STIM2: variants seen among roughly 807,000 people sequenced by gnomAD.
STIM2 encodes the protein stromal interaction molecule 2.
Under a neutral mutation model 85.8 loss-of-function variants are expected in STIM2, and 31 were observed. The ratio of observed to expected loss-of-function variants is 0.36; its 90% CI spans 0.27 to 0.49. The LOEUF is 0.49. Ranked by LOEUF, STIM2 falls within the 20% of genes least tolerant of loss-of-function variation. The pLI is 0.98. For missense variants in STIM2, 841 were observed against 927.6 expected, an observed-to-expected ratio of 0.91 and a Z score of 1.21; for synonymous variants, 356 against 331.1, an observed-to-expected ratio of 1.08 and a Z score of -0.82.
At position 27,017,898 on chromosome 4, in the gene STIM2, A is replaced by G; in HGVS notation, c.1677A>G (p.Pro559=). The G allele has an allele frequency of 6.2e-7, 1 of 1,614,148 alleles. No homozygotes were observed. The highest frequency in any genetic ancestry group is 8.5e-7 in the Non-Finnish European group (1 of 1,180,016). ...CACACTCCTTGCCTTCCCCTGATCC[A>G]GATATCCTCTCAGTGTCAAGTTGCC... The change falls in exon 11 of 12, where the codon CCA becomes CCG. Residue 559 remains proline (P), a synonymous_variant. Coordinates refer to ENST00000467087, the MANE Select transcript of STIM2 (RefSeq NM_020860.4).
intron 3 of STIM2, among the ~76,000 whole-genome samples, chr4:26,962,418 T>G (rs1341374745): frequency 6.6e-6 from 1 of 152,214 alleles, no homozygotes; most frequent in Non-Finnish European, 1.5e-5. Flanking sequence ...AGCTATATAT[T>G]TACCAGCATT....
intron 2 of STIM2, among the ~76,000 whole-genome samples, chr4:26,946,153 T>A (rs1725825650): frequency 6.6e-6 from 1 of 152,190 alleles, no homozygotes; most frequent in Non-Finnish European, 1.5e-5. Flanking sequence ...CATGTTTCAG[T>A]TGTATAAAGA....
intron 3 of STIM2, among the ~76,000 whole-genome samples, chr4:26,960,067 G>T (rs904967384): frequency 6.6e-6 from 1 of 152,164 alleles, no homozygotes; most frequent in African/African-American, 2.4e-5. Flanking sequence ...TCATGTAAGG[G>T]TGGGGTATTG....
intron 1 of STIM2, among the ~76,000 whole-genome samples, chr4:26,872,784 G>A (rs12650172): frequency 0.3 from 45,062 of 152,078 alleles, 7,087 homozygotes; most frequent in East Asian, 0.42. Context: ...TGAGGAACAA[G>A]AGAGACATAA....
Position 26,861,217 on chromosome 4 carries a change from C to T in STIM2, c.-2C>T, listed in dbSNP as rs1256942975. 6.7e-7 allele frequency: 1 copy of T among 1,483,960 alleles called. No homozygotes were observed. The highest frequency in any genetic ancestry group is 2.2e-5 in the Admixed American group (1 of 46,082). 91.9% of individuals were successfully genotyped at this position (1,483,960 alleles called of 1,614,324 possible). A position where few individuals can be genotyped will look rare whatever the true frequency, so the allele number is the denominator to read the frequency against. ...CTGCTGCGGCGGCGGCGCTGGGCTG[C>T]GTTGCTGGTGCTCGGGCTGCTGGTA... On this transcript the variant is annotated 5_prime_UTR_variant, in exon 1 of 12. Transcript: ENST00000467087.
At position 26,893,609 on chromosome 4, in the gene STIM2, T is replaced by C. The variant is rs566675442; in HGVS notation, c.152-25895T>C. ...TTTATGAACAGTACTTCTGTGACTA[T>C]TTCTTTATTGCACATTTTTTGAGTG... On this transcript the variant is annotated intron_variant, in intron 1 of 11. Coordinates refer to ENST00000467087, the MANE Select transcript of STIM2 (RefSeq NM_020860.4). Among the ~76,000 whole-genome samples the C allele has an allele frequency of 2.0e-4, 30 of 152,334 alleles. 2 individuals are homozygous for C. The East Asian group carries it at 2.7e-3, about 14-fold the overall frequency.
intron 2 of STIM2, among the ~76,000 whole-genome samples, chr4:26,920,852 CTTG>C (rs1284626934): frequency 1.3e-5 from 2 of 152,142 alleles, no homozygotes; most frequent in Admixed American, 1.3e-4. Context: ...TTTTAAATCT[CTTG>C]TTGTTCAGTT....
chr4:26,964,163 G>C (rs757622780), intron 3 of STIM2, among the ~76,000 whole-genome samples: 1 of 152,128 alleles, frequency 6.6e-6, no homozygotes, highest in Non-Finnish European at 1.5e-5. Flanking sequence ...GTGAGTCTCT[G>C]TGTAAATCTG....
chr4:27,001,949 T>C (rs1728170592), intron 5 of STIM2, among the ~76,000 whole-genome samples: 1 of 152,186 alleles, frequency 6.6e-6, no homozygotes, highest in Admixed American at 6.5e-5. Flanking sequence ...AGGGTCCCCA[T>C]GACTTTGACC....
chr4:27,016,500 T>C (rs1728737743), intron 10 of STIM2, among the ~76,000 whole-genome samples: 1 of 152,246 alleles, frequency 6.6e-6, no homozygotes, highest in Non-Finnish European at 1.5e-5. Flanking sequence ...TTATATTAAC[T>C]CTTTGGAATA....
At chr4:26,912,989 T>G (rs1440969559) in intron 1 of STIM2, among the ~76,000 whole-genome samples, 3 of 152,132 alleles carry the variant, frequency 2.0e-5, no homozygotes, top group Admixed American at 6.5e-5. Context: ...TGACCGCCAG[T>G]AGCAGCTGAG....
At chr4:26,888,115 C>G (rs1170944107) in intron 1 of STIM2, among the ~76,000 whole-genome samples, 3 of 152,224 alleles carry the variant, frequency 2.0e-5, no homozygotes, top group Admixed American at 6.5e-5. Flanking sequence ...AATACCATCA[C>G]AGTAGCACCC....
intron 3 of STIM2, among the ~76,000 whole-genome samples, chr4:26,990,165 A>G (rs1727714433): frequency 6.6e-6 from 1 of 152,156 alleles, no homozygotes; most frequent in Admixed American, 6.5e-5. Context: ...TTGAGCAAAA[A>G]GAACACTGCT....
intron 10 of STIM2, among the ~76,000 whole-genome samples, chr4:27,010,992 C>T (rs1728536726): frequency 6.6e-6 from 1 of 152,184 alleles, no homozygotes; most frequent in Admixed American, 6.5e-5. Flanking sequence ...CATCCACACA[C>T]ACTTAAAGTG....
intron 10 of STIM2, 88 bp from the exon 11 acceptor site, chr4:27,017,623 C>A: frequency 6.7e-7 from 1 of 1,487,182 alleles, no homozygotes; most frequent in South Asian, 1.2e-5. Context: ...ATATTAGTGA[C>A]ATCAGTTCTC....
intron 4 of STIM2, among the ~76,000 whole-genome samples, chr4:26,998,911 C>CAAAAAAA (rs11374270): frequency 1.4e-5 from 2 of 147,346 alleles, no homozygotes; most frequent in East Asian, 2.0e-4. Context: ...GACTCTGTCT[C>CAAAAAAA]AAAAAAAAAA....
chr4:26,870,297 C>CA (rs36094333), intron 1 of STIM2, among the ~76,000 whole-genome samples: 9,003 of 118,312 alleles, frequency 0.076, 472 homozygotes, highest in African/African-American at 0.16. Context: ...CTTAACACAC[C>CA]AAAAAAAAAA....
intron 2 of STIM2, among the ~76,000 whole-genome samples, chr4:26,956,650 A>G (rs964380425): frequency 9.2e-5 from 14 of 152,110 alleles, no homozygotes; most frequent in African/African-American, 3.4e-4. Context: ...CACCATAATC[A>G]AATGTCTTTG....
chr4:26,921,928 C>G (rs751350727), intron 2 of STIM2, among the ~76,000 whole-genome samples: 12 of 152,026 alleles, frequency 7.9e-5, no homozygotes, highest in African/African-American at 2.9e-4. Flanking sequence ...TCAGTACCAG[C>G]GATACCAAAA....
Sources: gnomAD v4.1 joint callset for allele counts (sites outside exome capture counted in the v4.1 genomes callset) on GRCh38, gnomAD v4.1.1 for gene constraint, MANE v1.5 for transcripts, NCBI Gene and HGNC (gene_info 2026-07-23, HGNC 2026-07-21) for gene names.